CDKAL1: variants seen among roughly 807,000 people sequenced by gnomAD.
CDKAL1 encodes CDKAL1 threonylcarbamoyladenosine tRNA methylthiotransferase.
Under a neutral mutation model 68.2 loss-of-function variants are expected in CDKAL1, and 32 were observed. The observed-to-expected ratio is 0.47, with a 90% CI of 0.35 to 0.63. CDKAL1 has a LOEUF of 0.63. Among genes scored for constraint, CDKAL1 ranks in the 30% least tolerant of loss-of-function variants. The pLI is 0.00. For missense variants in CDKAL1, 606 were observed against 696.7 expected, an observed-to-expected ratio of 0.87 and a Z score of 1.47; for synonymous variants, 234 against 244.3, an observed-to-expected ratio of 0.96 and a Z score of 0.39.
At chr6:20,550,433 G>A (rs921075922) in intron 4 of CDKAL1, among the ~76,000 whole-genome samples, 5 of 152,150 alleles carry the variant, frequency 3.3e-5, no homozygotes, top group Non-Finnish European at 5.9e-5. Context: ...CAGCATGCCG[G>A]CATCTTTTTT....
intron 7 of CDKAL1, among the ~76,000 whole-genome samples, chr6:20,766,038 T>C (rs1264103728): frequency 6.6e-6 from 1 of 152,214 alleles, no homozygotes; most frequent in Non-Finnish European, 1.5e-5. Flanking sequence ...TTAAGGCTTT[T>C]AGAACACAAA....
chr6:21,109,473 G>C (rs1467113956), intron 13 of CDKAL1, among the ~76,000 whole-genome samples: 3 of 152,188 alleles, frequency 2.0e-5, no homozygotes, highest in African/African-American at 7.2e-5. Flanking sequence ...TGAAACACTA[G>C]CTTCTAGTGT....
chr6:20,622,978 G>C (rs1444145366), intron 4 of CDKAL1, among the ~76,000 whole-genome samples: 2 of 151,804 alleles, frequency 1.3e-5, no homozygotes, highest in Non-Finnish European at 2.9e-5. Context: ...TCTTTGTCAG[G>C]CTTTTTTCAA....
Position 20,674,405 on chromosome 6 carries a change from A to G in CDKAL1, c.371+25028A>G, listed in dbSNP as rs191129285. Among the ~76,000 whole-genome samples the G allele has an allele frequency of 6.3e-4, 96 of 152,310 alleles. 1 individual carries two copies. Among genetic ancestry groups the G allele is most frequent in the Admixed American group, 9.8e-4 (15 of 15,298 alleles). ...ACTATATCTATTTTGTCATGTTAAG[A>G]AACTATCCATACATTTCTATTTTTT... On this transcript the variant is annotated intron_variant, in intron 5 of 15. Coordinates refer to ENST00000274695, the MANE Select transcript of CDKAL1 (RefSeq NM_017774.3).
intron 10 of CDKAL1, among the ~76,000 whole-genome samples, chr6:20,976,964 T>C (rs959356743): frequency 6.6e-6 from 1 of 152,216 alleles, no homozygotes; most frequent in Non-Finnish European, 1.5e-5. Context: ...GAGAACATTC[T>C]GTACATATCT....
chr6:20,575,311 C>A (rs1330324518), intron 4 of CDKAL1, among the ~76,000 whole-genome samples: 1 of 151,844 alleles, frequency 6.6e-6, no homozygotes, highest in East Asian at 1.9e-4. Context: ...ATCAGTAAAT[C>A]ATTGCTGTAG....
intron 7 of CDKAL1, among the ~76,000 whole-genome samples, chr6:20,776,829 A>C (rs1261327478): frequency 1.3e-5 from 2 of 152,210 alleles, no homozygotes; most frequent in Non-Finnish European, 2.9e-5. Context: ...CTGTGGTATT[A>C]ATGCTGGGGC....
At chr6:21,004,973 T>C (rs1767643852) in intron 11 of CDKAL1, among the ~76,000 whole-genome samples, 2 of 151,624 alleles carry the variant, frequency 1.3e-5, no homozygotes, top group Non-Finnish European at 2.9e-5. Context: ...CAAAAAAAAT[T>C]TGTCTTTGTA....
intron 5 of CDKAL1, among the ~76,000 whole-genome samples, chr6:20,726,043 A>G (rs1272733781): frequency 1.3e-5 from 2 of 152,092 alleles, no homozygotes; most frequent in Non-Finnish European, 2.9e-5. Flanking sequence ...ATATCTTAAA[A>G]TGGCCCTGCA....
intron 15 of CDKAL1, among the ~76,000 whole-genome samples, chr6:21,207,565 A>G (rs1300490744): frequency 2.0e-5 from 3 of 152,166 alleles, no homozygotes; most frequent in African/African-American, 4.8e-5. Context: ...ACATTATAGT[A>G]TAGCAATTAA....
chr6:20,665,113 G>T (rs1252071127), intron 5 of CDKAL1, among the ~76,000 whole-genome samples: 1 of 152,036 alleles, frequency 6.6e-6, no homozygotes, highest in East Asian at 1.9e-4. Flanking sequence ...GTGATGGAGA[G>T]AAGAGTCCAG....
intron 13 of CDKAL1, among the ~76,000 whole-genome samples, chr6:21,155,000 CA>C (rs70993207): frequency 0.21 from 29,439 of 141,870 alleles, 3,158 homozygotes; most frequent in African/African-American, 0.31. Flanking sequence ...CCACCCCCCC[CA>C]AAAAAAAAAA....
At chr6:20,564,965 T>A (rs1202603616) in intron 4 of CDKAL1, among the ~76,000 whole-genome samples, 4 of 152,078 alleles carry the variant, frequency 2.6e-5, no homozygotes, top group African/African-American at 4.8e-5. Flanking sequence ...TTAGATAATA[T>A]GAATTTGACT....
chr6:20,769,223 A>G (rs1281899297), intron 7 of CDKAL1, among the ~76,000 whole-genome samples: 5 of 144,804 alleles, frequency 3.5e-5, no homozygotes, highest in African/African-American at 1.0e-4. Context: ...TTTAATTTGT[A>G]TATTTAAGAT....
At chr6:20,932,062 A>G (rs939907740) in intron 9 of CDKAL1, among the ~76,000 whole-genome samples, 2 of 152,200 alleles carry the variant, frequency 1.3e-5, no homozygotes, top group East Asian at 1.9e-4. Context: ...TGGTAAATCT[A>G]TATATCATGG....
intron 9 of CDKAL1, among the ~76,000 whole-genome samples, chr6:20,876,148 C>G (rs1760502285): frequency 6.6e-6 from 1 of 152,214 alleles, no homozygotes; most frequent in Non-Finnish European, 1.5e-5. Context: ...CCAGCTGCTG[C>G]TGGGGTTTTT....
chr6:20,799,648 T>G (rs2150403828), intron 8 of CDKAL1: 1 of 152,330 alleles, frequency 6.6e-6, no homozygotes, highest in South Asian at 2.1e-4. Context: ...TCAGAAGACA[T>G]CTTTCAGTAG....
At chr6:21,216,178 A>G (rs1321878754) in intron 15 of CDKAL1, among the ~76,000 whole-genome samples, 2 of 152,228 alleles carry the variant, frequency 1.3e-5, no homozygotes, top group Admixed American at 1.3e-4. Context: ...TTCCAGAACT[A>G]AAAAATGGTA....
chr6:21,047,574 G>A (rs745465453), intron 11 of CDKAL1, among the ~76,000 whole-genome samples: 17 of 152,140 alleles, frequency 1.1e-4, no homozygotes, highest in Non-Finnish European at 1.8e-4. Flanking sequence ...AAGTCAGTGG[G>A]CACTTTTACT....
Sources: gnomAD v4.1 joint callset for allele counts (sites outside exome capture counted in the v4.1 genomes callset) on GRCh38, gnomAD v4.1.1 for gene constraint, MANE v1.5 for transcripts, NCBI Gene and HGNC (gene_info 2026-07-23, HGNC 2026-07-21) for gene names.